The following PRKN variants were observed in gnomAD, a reference collection of about 807,000 sequenced individuals.
PRKN encodes the protein E3 ubiquitin-protein ligase parkin.
In PRKN, 56 loss-of-function variants were observed where a neutral mutation model predicts 59.5. The observed-to-expected ratio is 0.94, with a 90% confidence interval of 0.76 to 1.18. The LOEUF is 1.18. Ranked by LOEUF, PRKN falls within the 50% of genes most tolerant of loss-of-function variation. The pLI, the probability that PRKN is intolerant of heterozygous loss-of-function variation, is 0.00. For synonymous variants in PRKN, 250 were observed against 222.1 expected (o/e 1.13, Z -1.12); for missense variants, 657 against 596.4 (o/e 1.10, Z -1.06).
At chr6:161,926,039 C>T (rs1409077810) in intron 6 of PRKN, among the ~76,000 whole-genome samples, 10 of 152,148 alleles carry the variant, frequency 6.6e-5, no homozygotes, top group African/African-American at 1.4e-4. Context: ...AGCTAGTAAA[C>T]GGTGCAGTAG....
At chr6:162,397,628 C>T (rs1348492379) in intron 2 of PRKN, among the ~76,000 whole-genome samples, 2 of 152,084 alleles carry the variant, frequency 1.3e-5, no homozygotes, top group African/African-American at 2.4e-5. Context: ...CTTCCAGCAG[C>T]GTTAAGGAGG....
At chr6:162,190,847 C>G (rs560151621) in intron 4 of PRKN, among the ~76,000 whole-genome samples, 229 of 152,276 alleles carry the variant, frequency 1.5e-3, no homozygotes, top group African/African-American at 5.4e-3. Context: ...TTGAGCCATT[C>G]GCTTCTTAAG....
intron 4 of PRKN, among the ~76,000 whole-genome samples, chr6:162,113,792 G>C (rs183831907): frequency 1.3e-5 from 2 of 152,284 alleles, no homozygotes; most frequent in Admixed American, 6.5e-5. Flanking sequence ...TCCTTGCCCT[G>C]CCTATGTCCT....
intron 9 of PRKN, among the ~76,000 whole-genome samples, chr6:161,437,783 C>T (rs1212584808): frequency 1.3e-5 from 2 of 152,164 alleles, no homozygotes; most frequent in African/African-American, 2.4e-5. Context: ...CTCACCTAAG[C>T]AGGGCTAGTC....
chr6:162,481,516 G>A (rs547040475), intron 1 of PRKN, among the ~76,000 whole-genome samples: 1 of 152,272 alleles, frequency 6.6e-6, no homozygotes, highest in South Asian at 2.1e-4. Flanking sequence ...GCAGGCAGAT[G>A]CTATCTCTTA....
chr6:161,905,764 C>G, intron 6 of PRKN, among the ~76,000 whole-genome samples: 1 of 151,664 alleles, frequency 6.6e-6, no homozygotes. Context: ...CATTCAAGAC[C>G]AGCCTGGCCA....
chr6:161,783,884 T>C (rs2128206236), intron 7 of PRKN, among the ~76,000 whole-genome samples: 1 of 152,330 alleles, frequency 6.6e-6, no homozygotes, highest in Middle Eastern at 3.4e-3. Flanking sequence ...TGCTTAAAAG[T>C]GAGTATCATA....
At position 161,448,104 on chromosome 6, in the gene PRKN, A is replaced by G. The variant is rs1394573331; in HGVS notation, c.1084-61227T>C. Among the ~76,000 whole-genome samples, 1 of 152,190 alleles carries G rather than the reference A, an allele frequency of 6.6e-6. No individual in the cohort carries two copies. Among genetic ancestry groups the G allele is most frequent in the Non-Finnish European group, 1.5e-5 (1 of 68,032 alleles). ...GAGTGAAGTCAACAGTAGCCAATCA[A>G]ATCTTACATCTGTGTGTTAGCCGTT... On this transcript the variant is annotated intron_variant, in intron 9 of 11. Transcript: ENST00000366898. The surrounding 1 kb of genome is among the most constrained non-coding windows in gnomAD (Gnocchi z 5.1).
At chr6:162,436,766 G>C (rs927932074) in intron 2 of PRKN, among the ~76,000 whole-genome samples, 11 of 124,862 alleles carry the variant, frequency 8.8e-5, no homozygotes, top group Non-Finnish European at 1.8e-4. Flanking sequence ...TGTCTATTCA[G>C]ATCTATAATG....
intron 3 of PRKN, among the ~76,000 whole-genome samples, chr6:162,226,684 C>A (rs1583227952): frequency 6.6e-6 from 1 of 152,174 alleles, no homozygotes; most frequent in East Asian, 1.9e-4. Context: ...CAGGCGCCTG[C>A]TACCACGCCC....
chr6:162,510,401 G>A (rs191196401), intron 1 of PRKN, among the ~76,000 whole-genome samples: 283 of 152,198 alleles, frequency 1.9e-3, no homozygotes, highest in East Asian at 0.012. Context: ...GTGTGAGAGG[G>A]CGACACTCCT....
intron 6 of PRKN, among the ~76,000 whole-genome samples, chr6:161,871,290 C>G (rs1794332270): frequency 6.6e-6 from 1 of 151,916 alleles, no homozygotes; most frequent in Non-Finnish European, 1.5e-5. Context: ...CCCCAAAAGT[C>G]TGTGATAGAG....
At chr6:162,475,241 G>A (rs2128179892) in intron 1 of PRKN, among the ~76,000 whole-genome samples, 1 of 152,278 alleles carries the variant, frequency 6.6e-6, no homozygotes, top group South Asian at 2.1e-4. Context: ...AATGATCTTG[G>A]TCAACAAGGC....
chr6:162,061,418 G>A (rs1296856761), intron 4 of PRKN, among the ~76,000 whole-genome samples: 2 of 152,142 alleles, frequency 1.3e-5, no homozygotes, highest in African/African-American at 4.8e-5. Context: ...TGAGCAGTAA[G>A]AAGCCCTTTC....
chr6:161,831,987 GC>G, intron 6 of PRKN, among the ~76,000 whole-genome samples: 1 of 152,316 alleles, frequency 6.6e-6, no homozygotes, highest in South Asian at 2.1e-4. Context: ...CCAGGATCCA[GC>G]AACTGTCTGG....
Position 161,789,929 on chromosome 6 carries a change from G to A in PRKN, c.735-4021C>T, listed in dbSNP as rs185908403. 1.9e-4 allele frequency among the ~76,000 whole-genome samples: 29 copies of A among 150,146 alleles called. 1 individual carries two copies. The highest frequency in any genetic ancestry group is 1.8e-3 in the Admixed American group (27 of 15,174). ...CATGTTGTTCACTAAATTTCTTATT[G>A]AACATCTACTTTGACTAAAGTAGGC... is the stretch of plus-strand genomic sequence containing the variant. On this transcript the variant is annotated intron_variant, in intron 6 of 11. Coordinates refer to ENST00000366898, the MANE Select transcript of PRKN (RefSeq NM_004562.3).
At position 161,480,367 on chromosome 6, in the gene PRKN, G is replaced by A. The variant is rs372953952; in HGVS notation, c.1083+68487C>T. 9.2e-5 allele frequency among the ~76,000 whole-genome samples: 14 copies of A among 152,200 alleles called. No individual in the cohort carries two copies. The highest frequency in any genetic ancestry group is 2.2e-4 in the African/African-American group (9 of 41,534). On this transcript the variant is annotated intron_variant, in intron 9 of 11. Coordinates refer to ENST00000366898, the MANE Select transcript of PRKN (RefSeq NM_004562.3). This position sits in a 1 kb window ranked among gnomAD's most constrained non-coding sequence, Gnocchi z 4.1. Reference sequence around the variant, plus strand: ...GGGGCCCTGTGTGACTGTACAGGTCGCACACTCCAAGCTGGCCCTATTTTC... The same window carrying A: ...GGGGCCCTGTGTGACTGTACAGGTCACACACTCCAAGCTGGCCCTATTTTC...
intron 3 of PRKN, among the ~76,000 whole-genome samples, chr6:162,241,791 C>T (rs1047112442): frequency 6.6e-6 from 1 of 151,928 alleles, no homozygotes; most frequent in East Asian, 1.9e-4. Context: ...AATCATGAAA[C>T]TCAGTGTTTT....
At chr6:162,140,261 T>A (rs1001819166) in intron 4 of PRKN, among the ~76,000 whole-genome samples, 1 of 152,210 alleles carries the variant, frequency 6.6e-6, no homozygotes, top group Non-Finnish European at 1.5e-5. Flanking sequence ...ATTGCCCTTC[T>A]AGCCTTTTGC....
Sources: allele counts gnomAD v4.1 joint callset (sites outside exome capture counted in the v4.1 genomes callset), GRCh38; gene constraint gnomAD v4.1.1; non-coding constraint Gnocchi (gnomAD v3.1); transcripts MANE v1.5; gene names NCBI Gene and HGNC (gene_info 2026-07-23, HGNC 2026-07-21).